Variants in SMCHD1 observed in about 807,000 individuals in gnomAD.
The protein encoded by SMCHD1 is structural maintenance of chromosomes flexible hinge domain containing 1, also known as structural maintenance of chromosomes flexible hinge domain-containing protein 1.
SMCHD1 carries 78 observed loss-of-function variants against 254.7 expected under a neutral mutation model. The observed-to-expected ratio is 0.31, with a 90% confidence interval of 0.26 to 0.37. The LOEUF is 0.37. Ranked by LOEUF, SMCHD1 falls within the 10% of genes least tolerant of loss-of-function variation. The pLI, the probability that SMCHD1 is intolerant of heterozygous loss-of-function variation, is 1.00. For missense variants in SMCHD1, 1,840 were observed against 2,408.1 expected (o/e 0.76, Z 4.94); for synonymous variants, 766 against 794.9 (o/e 0.96, Z 0.61).
intron 44 of SMCHD1, among the ~76,000 whole-genome samples, chr18:2,778,518 C>T (rs2076103639): frequency 6.6e-6 from 1 of 152,140 alleles, no homozygotes; most frequent in African/African-American, 2.4e-5. Flanking sequence ...ATGTAATTTG[C>T]TGTAGCCCTT....
At chr18:2,667,250 G>A (rs763935386) in intron 3 of SMCHD1, among the ~76,000 whole-genome samples, 4 of 152,000 alleles carry the variant, frequency 2.6e-5, no homozygotes, top group Non-Finnish European at 4.4e-5. Context: ...CCTACTAGTA[G>A]AACTTTTCTT....
intron 25 of SMCHD1, among the ~76,000 whole-genome samples, chr18:2,732,936 C>T (rs1320165624): frequency 1.3e-5 from 2 of 152,090 alleles, no homozygotes; most frequent in Non-Finnish European, 2.9e-5. Flanking sequence ...ATTGGTATAC[C>T]ACTCTAAAAA....
At position 2,674,118 on chromosome 18, in the gene SMCHD1, A is replaced by G. The variant is rs1472101760; in HGVS notation, c.611A>G (p.Lys204Arg). ...LNNWAVYRLS[K>R]FTRQGDFESD... is the part of the protein sequence containing the mutation. ...AACTGGGCCGTGTATAGGTTGTCAAAATTCACAAGGCAAGGTGACTTTGAA... is the reference window on the plus strand; with the variant it reads ...AACTGGGCCGTGTATAGGTTGTCAAGATTCACAAGGCAAGGTGACTTTGAA... Residue 204 changes from lysine to arginine, a missense_variant, in exon 5 of 48, where the codon AAA becomes AGA. Lys to Arg is a conservative substitution (Grantham distance 26, BLOSUM62 2). Coordinates refer to ENST00000320876, the MANE Select transcript of SMCHD1 (RefSeq NM_015295.3). 1 of 1,599,294 alleles carries G rather than the reference A, an allele frequency of 6.3e-7. No homozygotes were observed. Among genetic ancestry groups the G allele is most frequent in the Middle Eastern group, 1.7e-4 (1 of 6,036 alleles).
intron 44 of SMCHD1, 104 bp downstream of exon 44, chr18:2,778,343 T>G: frequency 1.3e-6 from 1 of 747,456 alleles, no homozygotes; most frequent in Non-Finnish European, 2.1e-6. Flanking sequence ...AAAACCAATT[T>G]AAATTCTGCA....
chr18:2,783,299 A>C (rs8098399), intron 44 of SMCHD1, among the ~76,000 whole-genome samples: 1 of 152,130 alleles, frequency 6.6e-6, no homozygotes, highest in Non-Finnish European at 1.5e-5. Flanking sequence ...TAAACTTTTT[A>C]ACACTTGTCC....
In SMCHD1 at chr18:2,726,480, G is replaced by A. The variant is rs868405096; in HGVS notation, c.2729G>A (p.Gly910Asp). The change falls in exon 22 of 48, where the codon GGC (glycine) becomes GAC (aspartate). Residue 910 changes from glycine to aspartate, a missense_variant. Around this residue, in one of 9 missense-constraint regions of SMCHD1, gnomAD observed 881 missense variants for 1,009.5 expected, o/e 0.87. Coordinates refer to ENST00000320876, the MANE Select transcript of SMCHD1 (RefSeq NM_015295.3). ...KNYNLKVTLP[G>D]LKEDSQILKI... is the part of the protein sequence containing the mutation. ...TATAATCTGAAGGTTACTCTGCCTG[G>A]CTTAAAAGAAGACTCACAGATTTTG... 1.3e-6 allele frequency: 2 copies of A among 1,506,222 alleles called. No homozygotes were observed. Among genetic ancestry groups the A allele is most frequent in the East Asian group, 2.5e-5 (1 of 39,842 alleles). The allele number at this position is 1,506,222 out of a possible 1,614,324, so 93.3% of individuals were successfully genotyped here.
At chr18:2,707,179 G>T (rs2074536119) in intron 15 of SMCHD1, among the ~76,000 whole-genome samples, 1 of 151,886 alleles carries the variant, frequency 6.6e-6, no homozygotes, top group Non-Finnish European at 1.5e-5. Flanking sequence ...AGAAGAAGAA[G>T]GAAGTAGAAA....
At chr18:2,724,015 TTA>T (rs1271766263) in intron 20 of SMCHD1, among the ~76,000 whole-genome samples, 1 of 151,670 alleles carries the variant, frequency 6.6e-6, no homozygotes, top group African/African-American at 2.4e-5. Flanking sequence ...CGTTTTTTCT[TTA>T]TGTTTTCCTT....
chr18:2,723,068 T>A (rs779917873), intron 20 of SMCHD1, among the ~76,000 whole-genome samples: 2 of 152,218 alleles, frequency 1.3e-5, no homozygotes, highest in Non-Finnish European at 2.9e-5. Flanking sequence ...TTTAAAAAAA[T>A]GTTCTCAATC....
At position 2,718,024 on chromosome 18, in the gene SMCHD1, GT is replaced by G. The variant is rs2074841329; in HGVS notation, c.2261-132del. On this transcript the variant is annotated intron_variant, in intron 17 of 47. Coordinates refer to ENST00000320876, the MANE Select transcript of SMCHD1 (RefSeq NM_015295.3). The surrounding 1 kb of genome is among the most constrained non-coding windows in gnomAD (Gnocchi z 4.6). ...TTGCTGTTCACTTTCATAGGATAGT[GT>G]TAGATCTTTTGAAGCTTCAAAGCAG... 1.6e-6 allele frequency: 1 copy of G among 628,420 alleles called. No homozygotes were observed. The highest frequency in any genetic ancestry group is 1.8e-5 in the African/African-American group (1 of 54,454). The allele number at this position is 628,420 out of a possible 1,614,324, so 38.9% of individuals were successfully genotyped here.
intron 17 of SMCHD1, among the ~76,000 whole-genome samples, chr18:2,711,264 CT>C (rs148895802): frequency 1.4e-3 from 200 of 144,308 alleles, no homozygotes; most frequent in Admixed American, 1.4e-3. Flanking sequence ...CCATGGCTCC[CT>C]TTTTTTTTTT....
chr18:2,733,494 G>GT (rs1472510454), intron 25 of SMCHD1, among the ~76,000 whole-genome samples: 1 of 152,234 alleles, frequency 6.6e-6, no homozygotes, highest in African/African-American at 2.4e-5. Flanking sequence ...GGGGAAAGTT[G>GT]TTTTAACAGT....
intron 37 of SMCHD1, among the ~76,000 whole-genome samples, chr18:2,767,911 C>T (rs2075899494): frequency 2.6e-5 from 4 of 152,050 alleles, no homozygotes; most frequent in South Asian, 4.1e-4. Flanking sequence ...TTCTCCTAGG[C>T]TACAAACCTG....
chr18:2,683,121 A>G (rs1463163458), intron 5 of SMCHD1, among the ~76,000 whole-genome samples: 1 of 152,204 alleles, frequency 6.6e-6, no homozygotes, highest in East Asian at 1.9e-4. Context: ...TCCTTTCTCT[A>G]AACTTTTGTA....
At chr18:2,740,942 TAAAAGGCATTTTAAAAACTTGAA>T in intron 28 of SMCHD1, 121 bp downstream of exon 28, 3 of 573,410 alleles carry the variant, frequency 5.2e-6, no homozygotes, top group Middle Eastern at 4.4e-4. Flanking sequence ...TGAAAAGTCA[TAAAAGGCATTTTAAAAACTTGAA>T]AAAGTTTGAA....
chr18:2,700,887 A>G lies in SMCHD1; in HGVS notation c.1616A>G (p.Asn539Ser). The change falls in exon 12 of 48, where the codon AAC becomes AGC. Residue 539 changes from asparagine to serine, a missense_variant. Around this residue, in one of 9 missense-constraint regions of SMCHD1, gnomAD observed 498 missense variants for 743.5 expected, o/e 0.67. Coordinates refer to ENST00000320876, the MANE Select transcript of SMCHD1 (RefSeq NM_015295.3). Reference sequence around the variant, plus strand: ...CTTGAGCTAAAATTGAAAGATAAGAACACCCTTTTTACAAGGATTTTAAAT... The same window carrying G: ...CTTGAGCTAAAATTGAAAGATAAGAGCACCCTTTTTACAAGGATTTTAAAT... ...MDLELKLKDK[N>S]TLFTRILNGQ... The G allele has an allele frequency of 2.5e-6, 4 of 1,606,766 alleles. No individual in the cohort carries two copies. Among genetic ancestry groups the G allele is most frequent in the Non-Finnish European group, 1.7e-6 (2 of 1,176,984 alleles).
chr18:2,732,518 T>C (rs773693353), intron 25 of SMCHD1, 26 bp downstream of exon 25: 1 of 1,442,400 alleles, frequency 6.9e-7, no homozygotes, highest in South Asian at 1.3e-5. Flanking sequence ...AGATTGGTTA[T>C]TTGTAAGAAC....
rs1259977175 is a variant in SMCHD1 at position 2,674,158 on chromosome 18, T to A, written c.638+13T>A. 1.3e-6 allele frequency: 2 copies of A among 1,550,100 alleles called. No homozygotes were observed. The highest frequency in any genetic ancestry group is 2.3e-5 in the Admixed American group (1 of 43,836). On this transcript the variant is annotated intron_variant, in intron 5 of 47. Coordinates refer to ENST00000320876, the MANE Select transcript of SMCHD1 (RefSeq NM_015295.3). The stretch of plus-strand genomic sequence containing the variant: ...GTGACTTTGAAAGGTTAGAAAACCT[T>A]ACTTTTTTTTTTTTGTGGGTAGCTA...
chr18:2,676,336 A>G (rs1005934050), intron 5 of SMCHD1, among the ~76,000 whole-genome samples: 2 of 152,222 alleles, frequency 1.3e-5, no homozygotes, highest in Non-Finnish European at 2.9e-5. Context: ...ATGTAGAATA[A>G]TAGAGCTGAT....
Sources: allele counts gnomAD v4.1 joint callset (sites outside exome capture counted in the v4.1 genomes callset), GRCh38; gene constraint gnomAD v4.1.1; regional missense constraint gnomAD v4.1.1; non-coding constraint Gnocchi (gnomAD v3.1); transcripts MANE v1.5; gene names NCBI Gene and HGNC (gene_info 2026-07-23, HGNC 2026-07-21).